The following COPG2 variants were observed in gnomAD, a reference collection of about 807,000 sequenced individuals.
COPG2 encodes the protein coatomer subunit gamma-2.
In COPG2, 37 loss-of-function variants were observed where a neutral mutation model predicts 46.3. The observed-to-expected ratio is 0.80, with a 90% CI of 0.61 to 1.05. The LOEUF (loss-of-function observed/expected upper bound fraction) is 1.05, where lower values mean the gene tolerates loss of function less well. Ranked by LOEUF, COPG2 falls within the 50% of genes least tolerant of loss-of-function variation. The pLI, the probability that COPG2 is intolerant of heterozygous loss-of-function variation, is 0.00. For missense variants in COPG2, 427 were observed against 387.8 expected (o/e 1.10, Z -0.85); for synonymous variants, 159 against 129.7 (o/e 1.23, Z -1.53).
At chr7:130,555,623 T>C (rs1250990001) in intron 12 of COPG2, among the ~76,000 whole-genome samples, 1 of 152,046 alleles carries the variant, frequency 6.6e-6, no homozygotes, top group Non-Finnish European at 1.5e-5. Context: ...GGTCAGGAGT[T>C]CGAGACCAGC....
At chr7:130,647,434 C>A (rs1394179522) in intron 5 of COPG2, among the ~76,000 whole-genome samples, 1 of 152,106 alleles carries the variant, frequency 6.6e-6, no homozygotes, top group Non-Finnish European at 1.5e-5. Flanking sequence ...TTGAAGAACC[C>A]TCATAAGGCT....
intron 20 of COPG2, among the ~76,000 whole-genome samples, chr7:130,519,539 GAAGA>G (rs1275921458): frequency 1.3e-5 from 2 of 152,148 alleles, no homozygotes; most frequent in African/African-American, 4.8e-5. Flanking sequence ...ACAGCTGAAT[GAAGA>G]AAGAATGCTG....
rs1799524164 is a variant in COPG2 at position 130,507,770 on chromosome 7, A to G, written c.2301T>C (p.Pro767=). Residue 767 remains proline, a synonymous_variant, in exon 22 of 24, where the codon CCT becomes CCC. Transcript: ENST00000425248. ...VSDHIQKVLK[P]NFAAAWEEVG... ...CCTCTTCCCAAGCAGCAGCAAAGTT[A>G]GGCTTCAGTACTTTCTGAATATGGT... is the stretch of plus-strand genomic sequence containing the variant. The G allele has an allele frequency of 1.3e-6, 1 of 780,534 alleles. No individual in the cohort carries two copies. The allele number at this position is 780,534 out of a possible 1,614,324, so 48.4% of individuals were successfully genotyped here. A position where few individuals can be genotyped will look rare whatever the true frequency, so the allele number is the denominator to read the frequency against.
chr7:130,554,725 C>G lies in COPG2; in HGVS notation c.1225-1G>C, dbSNP rs1793591817. Reference sequence around the variant, plus strand: ...TGGCCCGCTTGTACTCAAAGCCTCCCTGGCAAAAAAGAAGATAAAACTGCC... The same window carrying G: ...TGGCCCGCTTGTACTCAAAGCCTCCGTGGCAAAAAAGAAGATAAAACTGCC... On this transcript the variant is annotated splice_acceptor_variant, in intron 13 of 23. Coordinates refer to ENST00000425248, the MANE Select transcript of COPG2 (RefSeq NM_012133.6). LOFTEE classifies it high-confidence loss of function. 2.5e-6 allele frequency: 1 copy of G among 398,370 alleles called. No homozygotes were observed. 24.7% of individuals were successfully genotyped at this position (398,370 alleles called of 1,614,324 possible).
At chr7:130,665,546 C>G (rs1554461318) in intron 3 of COPG2, among the ~76,000 whole-genome samples, 3 of 152,054 alleles carry the variant, frequency 2.0e-5, no homozygotes, top group African/African-American at 2.4e-5. Flanking sequence ...CTAAACAATA[C>G]AGCACAACAA....
At chr7:130,509,876 C>T (rs782434194) in intron 20 of COPG2, 15 of 489,848 alleles carry the variant, frequency 3.1e-5, no homozygotes, top group South Asian at 2.1e-4. Flanking sequence ...AAATGTGAAA[C>T]GATATAATAG....
chr7:130,547,754 A>G lies in COPG2; in HGVS notation c.2069T>C (p.Ile690Thr). 1 of 398,780 alleles carries G rather than the reference A, an allele frequency of 2.5e-6. No homozygotes were observed. The highest frequency in any genetic ancestry group is 4.4e-6 in the Non-Finnish European group (1 of 226,170). The allele number at this position is 398,780 out of a possible 1,614,324, so 24.7% of individuals were successfully genotyped here. The part of the protein sequence containing the change: ...PSDSYEVLSC[I>T]PAPSLPYNQP... ...GTTATAAGGAAGGCTGGGGGCTGGG[A>G]TACAAGACAGCACTTCATAGGAATC... is the stretch of plus-strand genomic sequence containing the variant. The change falls in exon 20 of 24, where the codon ATC becomes ACC. Residue 690 changes from isoleucine to threonine, a missense_variant. Ile to Thr is a moderately conservative substitution (Grantham distance 89). Coordinates refer to ENST00000425248, the MANE Select transcript of COPG2 (RefSeq NM_012133.6).
intron 20 of COPG2, among the ~76,000 whole-genome samples, chr7:130,535,658 T>G: frequency 2.0e-5 from 2 of 99,184 alleles, no homozygotes; most frequent in Non-Finnish European, 4.0e-5. Context: ...GGGATGGGGT[T>G]TGGGGTGGGG....
intron 14 of COPG2, among the ~76,000 whole-genome samples, chr7:130,552,942 G>T (rs1004994451): frequency 6.6e-6 from 1 of 152,174 alleles, no homozygotes; most frequent in Non-Finnish European, 1.5e-5. Context: ...GACATCATAG[G>T]TAAGTCCATG....
At chr7:130,531,479 CAGA>C (rs1326441560) in intron 20 of COPG2, among the ~76,000 whole-genome samples, 7 of 151,642 alleles carry the variant, frequency 4.6e-5, no homozygotes, top group Non-Finnish European at 7.4e-5. Context: ...AGTCAACACC[CAGA>C]AGAACAGGTG....
chr7:130,666,010 A>C (rs1796072319), intron 3 of COPG2, among the ~76,000 whole-genome samples: 1 of 152,174 alleles, frequency 6.6e-6, no homozygotes, highest in Non-Finnish European at 1.5e-5. Flanking sequence ...CGGAAGGAAA[A>C]CTATTCCTGA....
At chr7:130,572,267 A>G (rs1793919601) in intron 9 of COPG2, among the ~76,000 whole-genome samples, 2 of 152,184 alleles carry the variant, frequency 1.3e-5, no homozygotes, top group African/African-American at 4.8e-5. Context: ...AATAAAAATA[A>G]TAGTTGGAGA....
At chr7:130,560,104 T>C (rs990422352) in intron 12 of COPG2, among the ~76,000 whole-genome samples, 5 of 152,188 alleles carry the variant, frequency 3.3e-5, no homozygotes, top group Non-Finnish European at 7.4e-5. Context: ...ATTATTTATA[T>C]AGATAATCTC....
chr7:130,579,224 C>T (rs1211243583), intron 9 of COPG2, among the ~76,000 whole-genome samples: 11 of 140,434 alleles, frequency 7.8e-5, no homozygotes, highest in Non-Finnish European at 1.1e-4. Context: ...ATTTTCAACC[C>T]AGAATTTCAT....
At chr7:130,648,800 A>G (rs950913737) in intron 5 of COPG2, among the ~76,000 whole-genome samples, 2 of 152,190 alleles carry the variant, frequency 1.3e-5, no homozygotes, top group African/African-American at 4.8e-5. Flanking sequence ...TTCCTTTTTC[A>G]TAAAGGGTAA....
intron 22 of COPG2, 22 bp downstream of exon 22, chr7:130,507,663 C>T (rs1472626392): frequency 6.4e-6 from 5 of 778,422 alleles, no homozygotes; most frequent in Non-Finnish European, 1.2e-5. Flanking sequence ...AGGCAATATA[C>T]TGATAGCAAA....
chr7:130,626,152 A>G (rs1795115474), intron 5 of COPG2, among the ~76,000 whole-genome samples: 1 of 152,182 alleles, frequency 6.6e-6, no homozygotes, highest in African/African-American at 2.4e-5. Flanking sequence ...TACATAATAA[A>G]TAACTGTTAA....
Position 130,506,511 on chromosome 7 carries a change from G to C in COPG2, c.*165C>G. 2.3e-6 allele frequency: 1 copy of C among 434,122 alleles called. No individual in the cohort carries two copies. Among genetic ancestry groups the C allele is most frequent in the Non-Finnish European group, 4.1e-6 (1 of 244,278 alleles). 26.9% of individuals were successfully genotyped at this position (434,122 alleles called of 1,614,324 possible). A position where few individuals can be genotyped will look rare whatever the true frequency, so the allele number is the denominator to read the frequency against. ...AAAAAAAAAAAAAAACAACCCATGC[G>C]CAAAGATAGACATTTGCTTGATCTG... On this transcript the variant is annotated 3_prime_UTR_variant, in exon 24 of 24. Coordinates refer to ENST00000425248, the MANE Select transcript of COPG2 (RefSeq NM_012133.6).
At chr7:130,520,451 G>C (rs1799714942) in intron 20 of COPG2, among the ~76,000 whole-genome samples, 1 of 152,204 alleles carries the variant, frequency 6.6e-6, no homozygotes, top group South Asian at 2.1e-4. Flanking sequence ...GAGGAATTCA[G>C]ATATCACCAG....
Sources: gnomAD v4.1 joint callset for allele counts (sites outside exome capture counted in the v4.1 genomes callset) on GRCh38, gnomAD v4.1.1 for gene constraint, MANE v1.5 for transcripts, NCBI Gene and HGNC (gene_info 2026-07-23, HGNC 2026-07-21) for gene names.